RORA: variants seen among roughly 807,000 people sequenced by gnomAD.
RORA encodes the protein nuclear receptor ROR-alpha.
In RORA, 7 loss-of-function variants were observed where a neutral mutation model predicts 69.5. The observed-to-expected ratio is 0.10, with a 90% CI of 0.06 to 0.19. The LOEUF (loss-of-function observed/expected upper bound fraction) is 0.19. Among genes scored for constraint, RORA ranks in the 10% least tolerant of loss-of-function variants. The pLI is 1.00. For synonymous variants in RORA, 261 were observed against 240.8 expected (o/e 1.08, Z -0.78); for missense variants, 457 against 663.0 (o/e 0.69, Z 3.41).
chr15:60,610,234 C>G (rs578157918), intron 2 of RORA, among the ~76,000 whole-genome samples: 5 of 151,710 alleles, frequency 3.3e-5, no homozygotes, highest in African/African-American at 1.2e-4. Context: ...TACACACACA[C>G]AGTCCAGGGT....
chr15:60,690,687 T>C (rs2070810215), intron 1 of RORA, among the ~76,000 whole-genome samples: 1 of 152,234 alleles, frequency 6.6e-6, no homozygotes, highest in African/African-American at 2.4e-5. Flanking sequence ...AAATTGTACC[T>C]TTCCCTGAAA....
At chr15:60,954,849 GCTT>G (rs1893220668) in intron 1 of RORA, among the ~76,000 whole-genome samples, 1 of 152,148 alleles carries the variant, frequency 6.6e-6, no homozygotes, top group Admixed American at 6.5e-5. Flanking sequence ...CAGATGGTGA[GCTT>G]CTTGAGGGCA....
intron 1 of RORA, among the ~76,000 whole-genome samples, chr15:61,010,960 A>T (rs1383727975): frequency 1.3e-5 from 2 of 152,236 alleles, no homozygotes; most frequent in Non-Finnish European, 2.9e-5. Context: ...TAAGCCAAGC[A>T]CATTTCAACT....
At chr15:60,640,511 A>AACTT (rs1206944246) in intron 2 of RORA, among the ~76,000 whole-genome samples, 1 of 152,170 alleles carries the variant, frequency 6.6e-6, no homozygotes, top group Non-Finnish European at 1.5e-5. Flanking sequence ...CCCGTGGCTG[A>AACTT]ACTTAGAGTA....
chr15:60,612,745 G>C (rs2069128059), intron 2 of RORA, among the ~76,000 whole-genome samples: 1 of 136,906 alleles, frequency 7.3e-6, no homozygotes, highest in African/African-American at 2.7e-5. Flanking sequence ...CATGAAATTA[G>C]TTTATATTTT....
intron 2 of RORA, among the ~76,000 whole-genome samples, chr15:60,645,442 G>A (rs1319663870): frequency 7.1e-6 from 1 of 140,406 alleles, no homozygotes; most frequent in Non-Finnish European, 1.5e-5. Context: ...TTTTTTTTGA[G>A]GCAGAGTCTC....
At chr15:60,510,060 G>C (rs2065646150) in intron 5 of RORA, among the ~76,000 whole-genome samples, 1 of 152,206 alleles carries the variant, frequency 6.6e-6, no homozygotes, top group Admixed American at 6.5e-5. Context: ...TTTATGGGGT[G>C]CAGAGGTAGA....
At chr15:60,911,810 G>A (rs1184978051) in intron 1 of RORA, among the ~76,000 whole-genome samples, 4 of 148,952 alleles carry the variant, frequency 2.7e-5, no homozygotes, top group African/African-American at 7.4e-5. Context: ...AGTGATTCTC[G>A]TGCCTCAGCC....
chr15:60,735,990 C>T (rs568981033), intron 1 of RORA, among the ~76,000 whole-genome samples: 5 of 152,326 alleles, frequency 3.3e-5, no homozygotes, highest in Admixed American at 2.0e-4. Flanking sequence ...TCACAACACA[C>T]GTTTCAGCTG....
chr15:60,966,710 C>A (rs116963163), intron 1 of RORA, among the ~76,000 whole-genome samples: 1 of 152,184 alleles, frequency 6.6e-6, no homozygotes, highest in African/African-American at 2.4e-5. Context: ...TTCTGATAAA[C>A]CTGGTATGTT....
chr15:60,839,062 T>A (rs905984899), intron 1 of RORA, among the ~76,000 whole-genome samples: 4 of 151,840 alleles, frequency 2.6e-5, no homozygotes, highest in African/African-American at 9.7e-5. Context: ...CTGGCTAAAT[T>A]TTTTTTTGTA....
Position 60,537,663 on chromosome 15 carries a change from G to C in RORA, c.197-5812C>G, listed in dbSNP as rs560908953. ...GTTCAATGGCCATCAGGGATGAGTA[G>C]AGCCGAGTTATAGCTGCATCCTATG... is the stretch of plus-strand genomic sequence containing the variant. On this transcript the variant is annotated intron_variant, in intron 2 of 10. Coordinates refer to ENST00000335670, the MANE Select transcript of RORA (RefSeq NM_134261.3). The surrounding 1 kb of genome is among the most constrained non-coding windows in gnomAD (Gnocchi z 4.9). Among the ~76,000 whole-genome samples the C allele has an allele frequency of 1.3e-5, 2 of 152,336 alleles. No individual in the cohort carries two copies. Among genetic ancestry groups the C allele is most frequent in the Admixed American group, 6.5e-5 (1 of 15,304 alleles).
intron 1 of RORA, among the ~76,000 whole-genome samples, chr15:60,878,559 G>A (rs2073645319): frequency 1.3e-5 from 2 of 152,242 alleles, no homozygotes; most frequent in African/African-American, 2.4e-5. Flanking sequence ...CCGCCTGCTC[G>A]CCCTGCAGTG....
intron 2 of RORA, among the ~76,000 whole-genome samples, chr15:60,641,183 C>T (rs1489015357): frequency 6.6e-6 from 1 of 152,130 alleles, no homozygotes; most frequent in Non-Finnish European, 1.5e-5. Flanking sequence ...AACTCCTGGC[C>T]TCAAGTGACT....
At chr15:61,141,543 A>G (rs1166685475) in intron 1 of RORA, among the ~76,000 whole-genome samples, 1 of 152,218 alleles carries the variant, frequency 6.6e-6, no homozygotes, top group Non-Finnish European at 1.5e-5. Context: ...TTTTAAAAAA[A>G]TTTTAGAAAT....
At chr15:60,866,535 T>C (rs2140430711) in intron 1 of RORA, among the ~76,000 whole-genome samples, 1 of 152,272 alleles carries the variant, frequency 6.6e-6, no homozygotes, top group Middle Eastern at 3.4e-3. Context: ...TTTAGGAAGC[T>C]CCTAAGCATG....
chr15:61,051,826 G>A (rs2078019012), intron 1 of RORA, among the ~76,000 whole-genome samples: 1 of 152,228 alleles, frequency 6.6e-6, no homozygotes, highest in Non-Finnish European at 1.5e-5. Flanking sequence ...GGGGACATGA[G>A]TGTCTTCAAG....
chr15:61,155,886 G>A (rs1567014922), intron 1 of RORA, among the ~76,000 whole-genome samples: 2 of 152,104 alleles, frequency 1.3e-5, no homozygotes, highest in Admixed American at 1.3e-4. Context: ...GAGACCCCGC[G>A]TTTCAACCCA....
At chr15:60,590,074 T>G (rs2068452259) in intron 2 of RORA, among the ~76,000 whole-genome samples, 1 of 152,176 alleles carries the variant, frequency 6.6e-6, no homozygotes, top group Non-Finnish European at 1.5e-5. Flanking sequence ...TCAGCTTAAG[T>G]TTGCACCAAA....
Sources: gnomAD v4.1 joint callset for allele counts (sites outside exome capture counted in the v4.1 genomes callset) on GRCh38, gnomAD v4.1.1 for gene constraint, Gnocchi (gnomAD v3.1) non-coding constraint, MANE v1.5 for transcripts, NCBI Gene and HGNC (gene_info 2026-07-23, HGNC 2026-07-21) for gene names.